The following ELAVL2 variants were observed in gnomAD, a reference collection of about 807,000 sequenced individuals.
The protein encoded by ELAVL2 is ELAV-like protein 2.
ELAVL2 carries 4 observed loss-of-function variants against 34.6 expected under a neutral mutation model. That is an observed-to-expected ratio of 0.12 (90% confidence interval 0.06 to 0.26). The LOEUF is 0.26. ELAVL2 is among the 10% of genes least tolerant of loss of function. ELAVL2 has a pLI of 1.00. For missense variants in ELAVL2, 432 were observed against 442.8 expected (o/e 0.98, Z 0.22); for synonymous variants, 193 against 154.8 (o/e 1.25, Z -1.83).
chr9:23,768,928 C>G (rs2056817762), intron 1 of ELAVL2, among the ~76,000 whole-genome samples: 1 of 152,100 alleles, frequency 6.6e-6, no homozygotes, highest in African/African-American at 2.4e-5. Context: ...CAAACAGAAA[C>G]GATAACATCT....
At chr9:23,797,195 C>T (rs1178024937) in intron 1 of ELAVL2, among the ~76,000 whole-genome samples, 1 of 152,092 alleles carries the variant, frequency 6.6e-6, no homozygotes, top group Non-Finnish European at 1.5e-5. Context: ...AGAATGAATC[C>T]TACTAATTCT....
At chr9:23,727,124 A>AT (rs2045405536) in intron 3 of ELAVL2, among the ~76,000 whole-genome samples, 1 of 152,066 alleles carries the variant, frequency 6.6e-6, no homozygotes, top group Non-Finnish European at 1.5e-5. Context: ...AACACTGGGG[A>AT]TACTGTGGGC....
intron 3 of ELAVL2, among the ~76,000 whole-genome samples, chr9:23,710,439 G>T (rs2040612313): frequency 6.6e-6 from 1 of 152,182 alleles, no homozygotes; most frequent in South Asian, 2.1e-4. Flanking sequence ...TTCATCAATG[G>T]AAAGATCAGT....
chr9:23,737,543 C>G (rs2048182606), intron 2 of ELAVL2, among the ~76,000 whole-genome samples: 1 of 152,104 alleles, frequency 6.6e-6, no homozygotes, highest in African/African-American at 2.4e-5. Context: ...TATGGGATGT[C>G]AGCATATAAT....
chr9:23,802,304 T>A (rs2061659435), intron 1 of ELAVL2, among the ~76,000 whole-genome samples: 1 of 152,188 alleles, frequency 6.6e-6, no homozygotes, highest in South Asian at 2.1e-4. Flanking sequence ...ATAATGTTAG[T>A]GCTACAAGGG....
chr9:23,701,950 G>A (rs1039757982), intron 4 of ELAVL2, among the ~76,000 whole-genome samples: 3 of 152,062 alleles, frequency 2.0e-5, no homozygotes, highest in Non-Finnish European at 4.4e-5. Context: ...GTGTACCGGA[G>A]TTCCATTTTT....
At chr9:23,700,770 A>G (rs1261851537) in intron 5 of ELAVL2, among the ~76,000 whole-genome samples, 1 of 152,174 alleles carries the variant, frequency 6.6e-6, no homozygotes, top group African/African-American at 2.4e-5. Context: ...CATTTGTAGA[A>G]ACTTCACGTA....
At chr9:23,780,200 G>GTA (rs1311823644) in intron 1 of ELAVL2, among the ~76,000 whole-genome samples, 1 of 151,798 alleles carries the variant, frequency 6.6e-6, no homozygotes, top group East Asian at 1.9e-4. Context: ...TCAACAGTTG[G>GTA]TATTAATAGT....
At chr9:23,830,445 A>G (rs2065462889), upstream of ELAVL2, among the ~76,000 whole-genome samples, 1 of 152,132 alleles carries the variant, frequency 6.6e-6, no homozygotes, top group African/African-American at 2.4e-5. Context: ...GTAAGAGAGC[A>G]CACTCAAGGA....
At chr9:23,845,791 T>TA in the ELAVL2 span, among the ~76,000 whole-genome samples, 3 of 150,448 alleles carry the variant, frequency 2.0e-5, no homozygotes, top group Admixed American at 6.6e-5. Flanking sequence ...TCTCTGCATT[T>TA]AAAAAAAAAG....
At chr9:23,752,014 C>A (rs975670440) in intron 2 of ELAVL2, among the ~76,000 whole-genome samples, 2 of 152,146 alleles carry the variant, frequency 1.3e-5, no homozygotes, top group African/African-American at 4.8e-5. Flanking sequence ...ATGAGCTTTG[C>A]ATTCTTCCCA....
intron 2 of ELAVL2, among the ~76,000 whole-genome samples, chr9:23,731,684 C>T (rs544716919): frequency 8.5e-5 from 13 of 152,242 alleles, no homozygotes; most frequent in Non-Finnish European, 1.6e-4. Context: ...TCTTCAAATA[C>T]ACTCAATCAA....
the ELAVL2 span, among the ~76,000 whole-genome samples, chr9:23,837,531 A>C: frequency 6.6e-6 from 1 of 152,156 alleles, no homozygotes; most frequent in South Asian, 2.1e-4. Flanking sequence ...ATCATTTTAC[A>C]GATAAGGAAA....
At chr9:23,813,652 G>A (rs1208944193) in intron 1 of ELAVL2, among the ~76,000 whole-genome samples, 1 of 152,174 alleles carries the variant, frequency 6.6e-6, no homozygotes, top group East Asian at 1.9e-4. Flanking sequence ...CCCAGGGGGG[G>A]AGGAGAGAAA....
At chr9:23,694,850 A>T (rs2034544667) in intron 5 of ELAVL2, among the ~76,000 whole-genome samples, 1 of 151,980 alleles carries the variant, frequency 6.6e-6, no homozygotes, top group Admixed American at 6.6e-5. Flanking sequence ...TTCGTGTGTG[A>T]GTGTGTCTCT....
chr9:23,753,635 A>G (rs540357246), intron 2 of ELAVL2, among the ~76,000 whole-genome samples: 1 of 152,172 alleles, frequency 6.6e-6, no homozygotes, highest in African/African-American at 2.4e-5. Flanking sequence ...ACTGTTTTTT[A>G]TCTTCTAACT....
Position 23,693,233 on chromosome 9 carries a change from G to A in ELAVL2, c.752+215C>T, listed in dbSNP as rs149937323. 6.0e-3 allele frequency among the ~76,000 whole-genome samples: 916 copies of A among 152,260 alleles called. 1 individual carries two copies. The highest frequency in any genetic ancestry group is 0.01 in the Non-Finnish European group (696 of 68,010). ...ATGCTGTAACGTCGTAACGCAATAC[G>A]AAACAAATGATGGGTTTTTAAAAGA... On this transcript the variant is annotated intron_variant, in intron 6 of 6. Transcript: ENST00000397312.
chr9:23,769,062 A>T (rs965082021), intron 1 of ELAVL2, among the ~76,000 whole-genome samples: 2 of 152,152 alleles, frequency 1.3e-5, no homozygotes, highest in Admixed American at 6.5e-5. Context: ...TACCCTGAGT[A>T]TTCAAACACA....
intron 5 of ELAVL2, among the ~76,000 whole-genome samples, chr9:23,695,557 C>T (rs1034152287): frequency 2.0e-5 from 3 of 152,070 alleles, no homozygotes; most frequent in African/African-American, 4.8e-5. Context: ...TAGGTGATCT[C>T]GTTGTTGTAC....
Sources: allele counts gnomAD v4.1 joint callset (sites outside exome capture counted in the v4.1 genomes callset), GRCh38; gene constraint gnomAD v4.1.1; transcripts MANE v1.5; gene names NCBI Gene and HGNC (gene_info 2026-07-23, HGNC 2026-07-21).